The following CHD1L variants were observed in gnomAD, a reference collection of about 807,000 sequenced individuals.
The protein encoded by CHD1L is ATP-dependent chromatin remodeler CHD1L.
CHD1L carries 118 observed loss-of-function variants against 115.9 expected under a neutral mutation model. That is an observed-to-expected ratio of 1.02 (90% CI 0.88 to 1.19). The LOEUF (loss-of-function observed/expected upper bound fraction) is 1.19, where lower values mean the gene tolerates loss of function less well. Ranked by LOEUF, CHD1L falls within the 50% of genes most tolerant of loss-of-function variation. The pLI, the probability that CHD1L is intolerant of heterozygous loss-of-function variation, is 0.00. For synonymous variants in CHD1L, 411 were observed against 387.1 expected (o/e 1.06, Z -0.72); for missense variants, 1,179 against 1,065.3 (o/e 1.11, Z -1.49).
At chr1:147,194,807 C>A in the CHD1L span, among the ~76,000 whole-genome samples, 2 of 151,936 alleles carry the variant, frequency 1.3e-5, no homozygotes, top group Admixed American at 1.3e-4. Context: ...GTTGAAAATT[C>A]TTTTCTTTAA....
Position 147,263,266 on chromosome 1 carries a change from A to C in CHD1L, c.577-1156A>C, listed in dbSNP as rs1672627878. ...AACATAGTGAGACCTTGTCGCTATA[A>C]GAAAATTTAAGAAATTAGCTGAATG... On this transcript the variant is annotated intron_variant, in intron 6 of 22. Transcript: ENST00000369258. Among the ~76,000 whole-genome samples, 5 of 151,962 alleles carry C rather than the reference A, an allele frequency of 3.3e-5. No homozygotes were observed. The South Asian group carries it at 1.0e-3, about 32-fold the overall frequency.
chr1:147,286,057 A>C (rs933189222), intron 17 of CHD1L, among the ~76,000 whole-genome samples: 1 of 152,252 alleles, frequency 6.6e-6, no homozygotes, highest in Middle Eastern at 3.4e-3. Flanking sequence ...TTACTTCAAC[A>C]ATCTCTTTTA....
rs1232472154 is a variant in CHD1L, at chr1:147,285,442, T to C, written c.1973T>C (p.Ile658Thr). 2.5e-6 allele frequency: 4 copies of C among 1,613,436 alleles called. No homozygotes were observed. Among genetic ancestry groups the C allele is most frequent in the South Asian group, 2.2e-5 (2 of 91,038 alleles). ...QEAAAKRRRLIEEKKRQKEEA... is the reference protein window; with the variant it reads ...QEAAAKRRRLTEEKKRQKEEA... ...GCAGCTGCCAAGAGAAGGAGACTCATAGAGGAGAAGAAGAGGCAAAAGGAA... is the reference window on the plus strand; with the variant it reads ...GCAGCTGCCAAGAGAAGGAGACTCACAGAGGAGAAGAAGAGGCAAAAGGAA... Residue 658 changes from isoleucine (I) to threonine (T), a missense_variant, in exon 17 of 23, where the codon ATA becomes ACA. By Grantham distance (89) the Ile-to-Thr change is moderately conservative (BLOSUM62 -1). Transcript: ENST00000369258.
At chr1:147,293,131 C>T (rs1275140389) in intron 20 of CHD1L, among the ~76,000 whole-genome samples, 1 of 142,220 alleles carries the variant, frequency 7.0e-6, no homozygotes, top group African/African-American at 2.5e-5. Context: ...CACTCTCCAG[C>T]TCGCCCACTT....
intron 2 of CHD1L, 43 bp downstream of exon 2, chr1:147,252,778 A>G: frequency 1.4e-6 from 2 of 1,437,846 alleles, no homozygotes; most frequent in Non-Finnish European, 2.0e-6. Context: ...CCACTGCGAT[A>G]CTTCCTTATA....
At chr1:147,282,978 G>A (rs1309212800) in intron 15 of CHD1L, among the ~76,000 whole-genome samples, 2 of 152,244 alleles carry the variant, frequency 1.3e-5, no homozygotes, top group African/African-American at 2.4e-5. Context: ...TGATGGCAGA[G>A]TGAAGATAGG....
the CHD1L span, among the ~76,000 whole-genome samples, chr1:147,223,072 C>G: frequency 6.6e-6 from 1 of 152,298 alleles, no homozygotes; most frequent in East Asian, 1.9e-4. Context: ...CTATTATTAT[C>G]CACTTCTTAA....
intron 1 of CHD1L, 180 bp downstream of exon 1, chr1:147,243,010 C>G (rs1665271500): frequency 1.4e-6 from 1 of 724,288 alleles, no homozygotes; most frequent in East Asian, 3.6e-5. Flanking sequence ...GCCACGGCCC[C>G]CGCCTGCGCG....
rs201990873 is a variant in CHD1L at position 147,255,854 on chromosome 1, A to G, written c.389A>G (p.Lys130Arg). 6.2e-7 allele frequency: 1 copy of G among 1,613,786 alleles called. No homozygotes were observed. Among genetic ancestry groups the G allele is most frequent in the Non-Finnish European group, 8.5e-7 (1 of 1,179,848 alleles). Reference sequence around the variant, plus strand: ...TCCTGTGTAACATATGCAGGCGACAAGGAGGAAAGAGCCTGCCTTCAGCAA... The same window carrying G: ...TCCTGTGTAACATATGCAGGCGACAGGGAGGAAAGAGCCTGCCTTCAGCAA... ...GLSCVTYAGD[K>R]EERACLQQDL... The change falls in exon 4 of 23, where the codon AAG becomes AGG. Residue 130 changes from lysine to arginine, a missense_variant. Physicochemically the swap from Lys to Arg is conservative, Grantham distance 26. Transcript: ENST00000369258.
the CHD1L span, among the ~76,000 whole-genome samples, chr1:147,195,003 G>A: frequency 6.6e-6 from 1 of 151,504 alleles, no homozygotes; most frequent in Non-Finnish European, 1.5e-5. Flanking sequence ...TGCTCTTCTT[G>A]AGGAGTATCT....
intron 5 of CHD1L, 66 bp downstream of exon 5, chr1:147,256,628 C>G: frequency 6.8e-7 from 1 of 1,481,440 alleles, no homozygotes. Context: ...CTTTCCTTCA[C>G]GTTTTAGTAC....
upstream of CHD1L, among the ~76,000 whole-genome samples, chr1:147,241,387 A>G (rs774068808): frequency 2.0e-5 from 3 of 152,072 alleles, no homozygotes; most frequent in Non-Finnish European, 4.4e-5. Context: ...CCTACCGAGC[A>G]CCTTGTGACC....
chr1:147,268,836 A>G lies in CHD1L; in HGVS notation c.1043A>G (p.Lys348Arg), dbSNP rs781903935. 5.6e-6 allele frequency: 9 copies of G among 1,613,724 alleles called. No individual in the cohort carries two copies. The highest frequency in any genetic ancestry group is 7.6e-6 in the Non-Finnish European group (9 of 1,179,730). Residue 348 changes from lysine to arginine, a missense_variant, in exon 10 of 23, where the codon AAG becomes AGG. Transcript: ENST00000369258. ...GACCACCTGACTGAGGCTAGTGGGAAGCTTCACCTGCTGGATAAGCTACTA... is the reference window on the plus strand; with the variant it reads ...GACCACCTGACTGAGGCTAGTGGGAGGCTTCACCTGCTGGATAAGCTACTA... ...VGDHLTEASG[K>R]LHLLDKLLAF... is the part of the protein sequence containing the mutation.
intron 12 of CHD1L, 53 bp from the exon 13 acceptor site, chr1:147,275,301 C>G: frequency 1.5e-6 from 2 of 1,355,690 alleles, no homozygotes; most frequent in Non-Finnish European, 2.1e-6. Context: ...TGCTTATTTT[C>G]TAGCTCCTCG....
rs781788592 is a variant in CHD1L at position 147,284,488 on chromosome 1, A to T, written c.1843A>T (p.Asn615Tyr). ...KASQEGRSLR[N>Y]KGSVLIPGLV... ...TAGTCAAGAGGGCCGATCACTCCGA[A>T]ATAAAGGCAGTGTAAGAACTGTTAA... The change falls in exon 16 of 23, where the codon AAT becomes TAT. Residue 615 changes from asparagine (N) to tyrosine (Y), a missense_variant. Physicochemically the swap from Asn to Tyr is moderately radical, Grantham distance 143. Coordinates refer to ENST00000369258, the MANE Select transcript of CHD1L (RefSeq NM_004284.6). 40 of 1,595,768 alleles carry T rather than the reference A, an allele frequency of 2.5e-5. No homozygotes were observed. Among genetic ancestry groups the T allele is most frequent in the Non-Finnish European group, 3.2e-5 (38 of 1,174,974 alleles).
At chr1:147,201,481 A>C in the CHD1L span, 1 of 1,613,872 alleles carries the variant, frequency 6.2e-7, no homozygotes, top group South Asian at 1.1e-5. Context: ...GTCATCATTT[A>C]AGGTTGGATG....
intron 13 of CHD1L, among the ~76,000 whole-genome samples, chr1:147,275,782 TAA>T (rs1344302937): frequency 5.0e-5 from 7 of 139,380 alleles, no homozygotes; most frequent in Non-Finnish European, 4.6e-5. Flanking sequence ...GGAGCTAAGC[TAA>T]AAAAAAAAAA....
chr1:147,286,529 G>C (rs781960900), intron 18 of CHD1L, 29 bp downstream of exon 18: 1 of 1,602,306 alleles, frequency 6.2e-7, no homozygotes, highest in Non-Finnish European at 8.5e-7. Flanking sequence ...GCTGGGGATG[G>C]GGGCCTCAGT....
chr1:147,255,381 C>T lies in CHD1L; in HGVS notation c.347+405C>T, dbSNP rs1215269849. Among the ~76,000 whole-genome samples the T allele has an allele frequency of 2.6e-5, 4 of 152,274 alleles. No individual in the cohort carries two copies. The East Asian group carries it at 7.7e-4, about 29-fold the overall frequency. On this transcript the variant is annotated intron_variant, in intron 3 of 22. Transcript: ENST00000369258. The stretch of plus-strand genomic sequence containing the variant: ...TAGCTGAGATTACAGGCGTGCGTCA[C>T]CACACCTGGCTAATTTTGTATTTTT...
Sources: gnomAD v4.1 joint callset for allele counts (sites outside exome capture counted in the v4.1 genomes callset) on GRCh38, gnomAD v4.1.1 for gene constraint, MANE v1.5 for transcripts, NCBI Gene and HGNC (gene_info 2026-07-23, HGNC 2026-07-21) for gene names.